CPO: variants seen among roughly 807,000 people sequenced by gnomAD.
The protein encoded by CPO is carboxypeptidase O.
Under a neutral mutation model 41.2 loss-of-function variants are expected in CPO, and 43 were observed. The ratio of observed to expected loss-of-function variants is 1.04; its 90% CI spans 0.82 to 1.35. CPO has a LOEUF of 1.35. Among genes scored for constraint, CPO ranks in the 40% most tolerant of loss-of-function variants. The pLI, the probability that CPO is intolerant of heterozygous loss-of-function variation, is 0.00. For missense variants in CPO, 408 were observed against 451.7 expected (o/e 0.90, Z 0.88); for synonymous variants, 178 against 162.7 (o/e 1.09, Z -0.72).
intron 1 of CPO, among the ~76,000 whole-genome samples, chr2:206,946,678 T>C (rs1693151723): frequency 6.6e-6 from 1 of 152,148 alleles, no homozygotes; most frequent in African/African-American, 2.4e-5. Flanking sequence ...CTGTATTTGT[T>C]TGAAGATGAC....
At chr2:206,951,312 G>T (rs1402714526) in intron 2 of CPO, among the ~76,000 whole-genome samples, 1 of 152,146 alleles carries the variant, frequency 6.6e-6, no homozygotes, top group East Asian at 1.9e-4. Flanking sequence ...GATAAGTTTG[G>T]TGGTTTCCAA....
chr2:206,955,422 A>G (rs1284575749), intron 2 of CPO, 41 bp from the exon 3 acceptor site: 9 of 1,148,494 alleles, frequency 7.8e-6, no homozygotes, highest in Non-Finnish European at 1.1e-5. Flanking sequence ...CATGCAAACA[A>G]TCTTCCTACT....
chr2:206,944,984 TATC>T (rs577306124), intron 1 of CPO, among the ~76,000 whole-genome samples: 24 of 152,262 alleles, frequency 1.6e-4, no homozygotes, highest in African/African-American at 4.3e-4. Context: ...TTATTTTTAA[TATC>T]ATGCAGCAAA....
chr2:206,945,695 G>A (rs1238839187), intron 1 of CPO, among the ~76,000 whole-genome samples: 1 of 152,168 alleles, frequency 6.6e-6, no homozygotes, highest in Admixed American at 6.5e-5. Flanking sequence ...AGGAGGCACT[G>A]AGTAGCTTTA....
intron 2 of CPO, among the ~76,000 whole-genome samples, chr2:206,950,698 G>T (rs1449793664): frequency 6.6e-6 from 1 of 152,174 alleles, no homozygotes; most frequent in Non-Finnish European, 1.5e-5. Context: ...ATGATAGATT[G>T]CATTAAGAAA....
intron 4 of CPO, among the ~76,000 whole-genome samples, chr2:206,958,775 C>T (rs950978509): frequency 2.9e-4 from 19 of 65,372 alleles, no homozygotes; most frequent in South Asian, 2.2e-3. Context: ...GAGTTTTGCT[C>T]TTGTTGCCCA....
intron 1 of CPO, among the ~76,000 whole-genome samples, chr2:206,949,394 A>G (rs1160631170): frequency 6.6e-6 from 1 of 152,238 alleles, no homozygotes; most frequent in Non-Finnish European, 1.5e-5. Context: ...CAAGGTTGGA[A>G]TAATTGTTCT....
At chr2:206,946,083 T>C (rs1693139961) in intron 1 of CPO, among the ~76,000 whole-genome samples, 1 of 152,130 alleles carries the variant, frequency 6.6e-6, no homozygotes, top group Non-Finnish European at 1.5e-5. Context: ...ACCAATTCTC[T>C]GCAATGTCTT....
At position 206,957,111 on chromosome 2, in the gene CPO, C is replaced by T. The variant is rs1693382536; in HGVS notation, c.268-1190C>T. 2.0e-5 allele frequency among the ~76,000 whole-genome samples: 3 copies of T among 152,146 alleles called. No individual in the cohort carries two copies. In the South Asian group the frequency reaches 6.2e-4, roughly 32 times the overall value. ...AGGAGGACATTGGCGGGTGCGGTGGCTCATGCCTGTAATCCCAGCACTTTG... is the reference window on the plus strand; with the variant it reads ...AGGAGGACATTGGCGGGTGCGGTGGTTCATGCCTGTAATCCCAGCACTTTG... On this transcript the variant is annotated intron_variant, in intron 3 of 8. Transcript: ENST00000272852.
chr2:206,948,387 G>A (rs1013475142), intron 1 of CPO, among the ~76,000 whole-genome samples: 18 of 152,192 alleles, frequency 1.2e-4, no homozygotes, highest in African/African-American at 4.1e-4. Flanking sequence ...CAAAACTATG[G>A]AGAAGTAAAC....
At chr2:206,952,520 T>C (rs1693284580) in intron 2 of CPO, among the ~76,000 whole-genome samples, 1 of 152,220 alleles carries the variant, frequency 6.6e-6, no homozygotes, top group African/African-American at 2.4e-5. Flanking sequence ...ATATGTCTTA[T>C]GTTTGTGAAT....
rs189605910 is a variant in CPO, at chr2:206,952,266, C to A, written c.165+2553C>A. ...TAGCTGAGATTACAGGCACTCACCA[C>A]CATGCCCAGCTAATTTTTTTGTATT... On this transcript the variant is annotated intron_variant, in intron 2 of 8. Coordinates refer to ENST00000272852, the MANE Select transcript of CPO (RefSeq NM_173077.3). Among the ~76,000 whole-genome samples, 153 of 152,204 alleles carry A rather than the reference C, an allele frequency of 1.0e-3. No individual in the cohort carries two copies. In the Middle Eastern group the frequency reaches 0.01, roughly 10 times the overall value.
chr2:206,967,082 C>G (rs1034884951), intron 7 of CPO, among the ~76,000 whole-genome samples: 1 of 152,180 alleles, frequency 6.6e-6, no homozygotes, highest in African/African-American at 2.4e-5. Context: ...TGGCAGATCA[C>G]AGTCCAGGCA....
At chr2:206,961,616 A>T (rs1179877508) in intron 6 of CPO, among the ~76,000 whole-genome samples, 1 of 152,290 alleles carries the variant, frequency 6.6e-6, no homozygotes, top group East Asian at 1.9e-4. Context: ...TCAGCTGATC[A>T]TTCTTATTAT....
chr2:206,969,303 A>G lies in CPO; in HGVS notation c.992A>G (p.Glu331Gly), dbSNP rs1441687552. The G allele has an allele frequency of 1.2e-6, 2 of 1,613,996 alleles. No individual in the cohort carries two copies. Among genetic ancestry groups the G allele is most frequent in the Admixed American group, 3.3e-5 (2 of 60,004 alleles). The change falls in exon 9 of 9, where the codon GAG (glutamate) becomes GGG (glycine). Residue 331 changes from glutamate (E) to glycine (G), a missense_variant. Glu to Gly is a moderately conservative substitution (Grantham distance 98). Coordinates refer to ENST00000272852, the MANE Select transcript of CPO (RefSeq NM_173077.3). ...GAAGCTCAGATCCAGCCCACCTGTG[A>G]GGAGACCATGGAGGCTGTGCTGTCA... ...LPEAQIQPTC[E>G]ETMEAVLSVL...
chr2:206,959,729 C>T lies in CPO; in HGVS notation c.471C>T (p.Tyr157=). ...LPVLNIDGYI[Y]TWTTDRLWRK... ...TTCTTAACATAGATGGTTATATCTA[C>T]ACTTGGACAACTGTGAGTACACCAT... The change falls in exon 5 of 9, where the codon TAC becomes TAT. Residue 157 remains tyrosine, a synonymous_variant. Coordinates refer to ENST00000272852, the MANE Select transcript of CPO (RefSeq NM_173077.3). The T allele has an allele frequency of 1.3e-6, 2 of 1,482,256 alleles. No individual in the cohort carries two copies. The highest frequency in any genetic ancestry group is 1.1e-5 in the South Asian group (1 of 88,252). 91.8% of individuals were successfully genotyped at this position (1,482,256 alleles called of 1,614,324 possible). A position where few individuals can be genotyped will look rare whatever the true frequency, so the allele number is the denominator to read the frequency against.
chr2:206,944,501 T>C (rs1391870601), intron 1 of CPO, among the ~76,000 whole-genome samples: 1 of 152,052 alleles, frequency 6.6e-6, no homozygotes, highest in Admixed American at 6.6e-5. Context: ...ATGAAGATGA[T>C]TGTTTCTCAG....
At chr2:206,959,789 C>A (rs1455467546) in intron 5 of CPO, 48 bp downstream of exon 5, 5 of 825,516 alleles carry the variant, frequency 6.1e-6, no homozygotes, top group South Asian at 3.0e-5. Flanking sequence ...AACTAAAGCT[C>A]AATTCAGGTT....
chr2:206,968,362 T>C lies in CPO; in HGVS notation c.862+15T>C, dbSNP rs781429103. ...AGATATTTTATGTAAGTATCTTTTT[T>C]TGCCTCTTCAATAGTATCTAAGGCA... On this transcript the variant is annotated intron_variant, in intron 8 of 8. Coordinates refer to ENST00000272852, the MANE Select transcript of CPO (RefSeq NM_173077.3). 3.9e-5 allele frequency: 59 copies of C among 1,495,896 alleles called. No individual in the cohort carries two copies. The highest frequency in any genetic ancestry group is 5.0e-5 in the Non-Finnish European group (54 of 1,073,490). The allele number at this position is 1,495,896 out of a possible 1,614,324, so 92.7% of individuals were successfully genotyped here.
Sources: allele counts gnomAD v4.1 joint callset (sites outside exome capture counted in the v4.1 genomes callset), GRCh38; gene constraint gnomAD v4.1.1; transcripts MANE v1.5; gene names NCBI Gene and HGNC (gene_info 2026-07-23, HGNC 2026-07-21).